ANO2: variants seen among roughly 807,000 people sequenced by gnomAD.
ANO2 encodes the protein anoctamin 2.
Under a neutral mutation model 124.2 loss-of-function variants are expected in ANO2, and 101 were observed. The ratio of observed to expected loss-of-function variants is 0.81; its 90% confidence interval spans 0.69 to 0.96. ANO2 has a LOEUF of 0.96. Ranked by LOEUF, ANO2 falls within the 40% of genes least tolerant of loss-of-function variation. The probability of loss-of-function intolerance (pLI) is 0.00; values close to 1 mark genes in which losing one functional copy is unlikely to be tolerated. For missense variants in ANO2, 1,293 were observed against 1,274.5 expected, an observed-to-expected ratio of 1.01 and a Z score of -0.22; for synonymous variants, 486 against 482.5, an observed-to-expected ratio of 1.01 and a Z score of -0.09.
At chr12:5,834,623 T>C (rs1350570702) in intron 4 of ANO2, among the ~76,000 whole-genome samples, 1 of 152,264 alleles carries the variant, frequency 6.6e-6, no homozygotes, top group African/African-American at 2.4e-5. Context: ...GTCTAACAAC[T>C]GAAACATAAC....
At chr12:5,759,276 A>C (rs574483646) in intron 10 of ANO2, among the ~76,000 whole-genome samples, 1 of 152,308 alleles carries the variant, frequency 6.6e-6, no homozygotes, top group African/African-American at 2.4e-5. Context: ...CCGAAAACCA[A>C]AGATTGAAAG....
chr12:5,589,730 C>T lies in ANO2; in HGVS notation c.2233+9754G>A, dbSNP rs539327239. Reference sequence around the variant, plus strand: ...GGGAGGTGGTAAGGAGCAGGTGACACGAGAGGTGGCTTTGGATGCACGCAT... The same window carrying T: ...GGGAGGTGGTAAGGAGCAGGTGACATGAGAGGTGGCTTTGGATGCACGCAT... On this transcript the variant is annotated intron_variant, in intron 20 of 24. Transcript: ENST00000682330. 7.8e-4 allele frequency among the ~76,000 whole-genome samples: 119 copies of T among 152,136 alleles called. 1 individual carries two copies. Among genetic ancestry groups the T allele is most frequent in the African/African-American group, 2.4e-3 (101 of 41,486 alleles).
intron 13 of ANO2, chr12:5,732,949 G>T: frequency 1.9e-6 from 3 of 1,566,046 alleles, no homozygotes; most frequent in Non-Finnish European, 2.6e-6. Flanking sequence ...GAGGGGCCCA[G>T]TGCTTTGCAG....
chr12:5,825,129 C>G (rs1046482016), intron 7 of ANO2, among the ~76,000 whole-genome samples: 1 of 152,150 alleles, frequency 6.6e-6, no homozygotes, highest in Non-Finnish European at 1.5e-5. Flanking sequence ...GTATTCCATA[C>G]AGCATTGCAT....
At chr12:5,615,475 G>A (rs1186501779) in intron 16 of ANO2, among the ~76,000 whole-genome samples, 178 bp from the exon 17 acceptor site, 1 of 152,128 alleles carries the variant, frequency 6.6e-6, no homozygotes, top group African/African-American at 2.4e-5. Flanking sequence ...GGTCTGCCAG[G>A]TAATACGAAG....
chr12:5,801,944 G>A (rs1034681082), intron 9 of ANO2, among the ~76,000 whole-genome samples: 2 of 152,206 alleles, frequency 1.3e-5, no homozygotes, highest in African/African-American at 4.8e-5. Context: ...ATCATTTGTT[G>A]CCCAAAGGGA....
intron 1 of ANO2, among the ~76,000 whole-genome samples, 196 bp downstream of exon 1, chr12:5,945,000 A>C (rs1943040176): frequency 6.6e-6 from 1 of 152,054 alleles, no homozygotes. Flanking sequence ...AAAAAACAAA[A>C]AACGTCTCGG....
At chr12:5,670,941 G>A (rs1947967942) in intron 14 of ANO2, among the ~76,000 whole-genome samples, 1 of 152,182 alleles carries the variant, frequency 6.6e-6, no homozygotes, top group Non-Finnish European at 1.5e-5. Context: ...ACAGAAGCCT[G>A]AGGTTTCCAC....
rs553890178 is a variant in ANO2 at position 5,658,497 on chromosome 12, G to A, written c.1546-10696C>T. Among the ~76,000 whole-genome samples the A allele has an allele frequency of 7.9e-5, 12 of 150,976 alleles. No individual in the cohort carries two copies. The highest frequency in any genetic ancestry group is 2.0e-4 in the East Asian group (1 of 5,080). On this transcript the variant is annotated intron_variant, in intron 14 of 24. Transcript: ENST00000682330. This position sits in a 1 kb window ranked among gnomAD's most constrained non-coding sequence, Gnocchi z 4.3. ...TATCATCATCATCATCAATATCATC[G>A]TATCAAAATCAATATAATCATCAAC...
At chr12:5,875,207 T>C (rs1014229935) in intron 3 of ANO2, among the ~76,000 whole-genome samples, 1 of 152,218 alleles carries the variant, frequency 6.6e-6, no homozygotes, top group Non-Finnish European at 1.5e-5. Flanking sequence ...AATAAATGCT[T>C]GTCCTCTTAA....
chr12:5,725,109 AC>A (rs1950386346), intron 14 of ANO2, among the ~76,000 whole-genome samples: 1 of 148,004 alleles, frequency 6.8e-6, no homozygotes, highest in South Asian at 2.1e-4. Flanking sequence ...ACACACACAC[AC>A]ACACACACAC....
At chr12:5,672,105 C>A (rs1276375078) in intron 14 of ANO2, among the ~76,000 whole-genome samples, 2 of 152,182 alleles carry the variant, frequency 1.3e-5, no homozygotes, top group Non-Finnish European at 2.9e-5. Context: ...CTATCTCGGT[C>A]TGCAGGTCAA....
At chr12:5,678,278 A>T (rs1007483739) in intron 14 of ANO2, among the ~76,000 whole-genome samples, 42 of 151,948 alleles carry the variant, frequency 2.8e-4, no homozygotes, top group African/African-American at 9.9e-4. Flanking sequence ...CTATATCTCT[A>T]CCCTCCACCA....
chr12:5,945,658 G>A (rs1943072456), upstream of ANO2, among the ~76,000 whole-genome samples: 1 of 152,250 alleles, frequency 6.6e-6, no homozygotes, highest in Non-Finnish European at 1.5e-5. Context: ...CGCCCCAAAG[G>A]GTCATCCACT....
intron 14 of ANO2, among the ~76,000 whole-genome samples, chr12:5,689,412 G>T (rs1469435796): frequency 1.3e-5 from 2 of 152,116 alleles, no homozygotes; most frequent in Non-Finnish European, 2.9e-5. Context: ...TTTATGGGAG[G>T]CATAAATTGG....
rs76435436 is a variant in ANO2, at chr12:5,901,043, C to G, written c.534+19997G>C. On this transcript the variant is annotated intron_variant, in intron 3 of 24. Coordinates refer to ENST00000682330, the MANE Select transcript of ANO2 (RefSeq NM_001364791.2). ...TCACTGATTCTCCTCGTCCCATTCC[C>G]GACACGCTTTGCTTTCTGAAGCCTG... Among the ~76,000 whole-genome samples, 334 of 152,306 alleles carry G rather than the reference C, an allele frequency of 2.2e-3. 2 individuals are homozygous for G. The highest frequency in any genetic ancestry group is 7.1e-3 in the African/African-American group (294 of 41,558).
chr12:5,880,741 T>C (rs892061641), intron 3 of ANO2, among the ~76,000 whole-genome samples: 2 of 151,528 alleles, frequency 1.3e-5, no homozygotes, highest in Non-Finnish European at 2.9e-5. Context: ...TTAGTAGATA[T>C]TTGATAAATG....
intron 10 of ANO2, among the ~76,000 whole-genome samples, chr12:5,797,756 T>G (rs970865184): frequency 3.3e-5 from 5 of 152,216 alleles, no homozygotes; most frequent in African/African-American, 1.2e-4. Flanking sequence ...GACTTGGCTT[T>G]GCCCAGGGAC....
chr12:5,785,950 T>A (rs1189016048), intron 10 of ANO2, among the ~76,000 whole-genome samples: 1 of 150,980 alleles, frequency 6.6e-6, no homozygotes, highest in Non-Finnish European at 1.5e-5. Context: ...AAACACATAC[T>A]CATCAACTCT....
Sources: gnomAD v4.1 joint callset for allele counts (sites outside exome capture counted in the v4.1 genomes callset) on GRCh38, gnomAD v4.1.1 for gene constraint, Gnocchi (gnomAD v3.1) non-coding constraint, MANE v1.5 for transcripts, NCBI Gene and HGNC (gene_info 2026-07-23, HGNC 2026-07-21) for gene names.